FARS2: variants seen among roughly 807,000 people sequenced by gnomAD.
The protein encoded by FARS2 is phenylalanine--tRNA ligase, mitochondrial.
A neutral mutation model predicts 46.4 loss-of-function variants in FARS2; 40 were observed. The ratio of observed to expected loss-of-function variants is 0.86; its 90% CI spans 0.67 to 1.12. The LOEUF (loss-of-function observed/expected upper bound fraction) is 1.12, where lower values mean the gene tolerates loss of function less well. Ranked by LOEUF, FARS2 falls within the 50% of genes most tolerant of loss-of-function variation. The pLI, the probability that FARS2 is intolerant of heterozygous loss-of-function variation, is 0.00. For missense variants in FARS2, 513 were observed against 567.9 expected (o/e 0.90, Z 0.98); for synonymous variants, 234 against 214.9 (o/e 1.09, Z -0.78).
chr6:5,586,198 C>T (rs1378203582), intron 5 of FARS2, among the ~76,000 whole-genome samples: 1 of 152,024 alleles, frequency 6.6e-6, no homozygotes, highest in Non-Finnish European at 1.5e-5. Context: ...ATTTGGATAC[C>T]TTTGACTTCT....
chr6:5,551,862 T>A (rs926590643), intron 5 of FARS2, among the ~76,000 whole-genome samples: 2 of 152,176 alleles, frequency 1.3e-5, no homozygotes, highest in Non-Finnish European at 2.9e-5. Flanking sequence ...ACCCTCTCTC[T>A]GAATTTTTGC....
chr6:5,436,382 T>C (rs35699084), intron 4 of FARS2, among the ~76,000 whole-genome samples: 60,081 of 151,582 alleles, frequency 0.4, 12,494 homozygotes, highest in Non-Finnish European at 0.46. Flanking sequence ...TTGATCTCAG[T>C]TGGTGAATCT....
chr6:5,362,105 AC>A (rs1252558247), intron 1 of FARS2, among the ~76,000 whole-genome samples: 8 of 152,190 alleles, frequency 5.3e-5, no homozygotes, highest in African/African-American at 1.9e-4. Context: ...TCGAAATGTT[AC>A]TTCTTAGAGC....
chr6:5,537,946 C>T lies in FARS2; in HGVS notation c.905-7234C>T, dbSNP rs185868201. ...TCTTTTGCTTCTGTGCATAGGCTCG[C>T]CCTCTTAGGAAGATTTTCAACAATT... On this transcript the variant is annotated intron_variant, in intron 4 of 6. Coordinates refer to ENST00000274680, the MANE Select transcript of FARS2 (RefSeq NM_006567.5). Among the ~76,000 whole-genome samples the T allele has an allele frequency of 3.2e-4, 48 of 152,040 alleles. 2 individuals are homozygous for T. In the East Asian group the frequency reaches 8.5e-3, roughly 27 times the overall value.
chr6:5,476,379 A>G (rs544951555), intron 4 of FARS2, among the ~76,000 whole-genome samples: 2 of 152,292 alleles, frequency 1.3e-5, no homozygotes, highest in South Asian at 4.1e-4. Context: ...CAGTTGGTGA[A>G]TTATCCTGTT....
intron 3 of FARS2, among the ~76,000 whole-genome samples, chr6:5,418,316 C>T (rs1329693656): frequency 6.6e-6 from 1 of 152,032 alleles, no homozygotes; most frequent in Non-Finnish European, 1.5e-5. Context: ...TATTTTTTAC[C>T]TTCCTAATAT....
intron 1 of FARS2, among the ~76,000 whole-genome samples, chr6:5,346,824 G>C (rs1450651927): frequency 6.6e-6 from 1 of 151,012 alleles, no homozygotes; most frequent in Non-Finnish European, 1.5e-5. Flanking sequence ...CTAATTAGCT[G>C]GAGTTCAACA....
chr6:5,392,703 T>G (rs958543805), intron 2 of FARS2, among the ~76,000 whole-genome samples: 1 of 150,162 alleles, frequency 6.7e-6, no homozygotes, highest in Non-Finnish European at 1.5e-5. Context: ...TTGAGCAACA[T>G]AGCAAAACAC....
At chr6:5,690,044 G>T (rs917828090) in intron 6 of FARS2, among the ~76,000 whole-genome samples, 8 of 151,908 alleles carry the variant, frequency 5.3e-5, no homozygotes, top group South Asian at 2.1e-4. Context: ...TATTTTCCAT[G>T]TGCTTGGTAG....
At chr6:5,558,004 TCTTCAGAG>T (rs2150529165) in intron 5 of FARS2, among the ~76,000 whole-genome samples, 1 of 152,246 alleles carries the variant, frequency 6.6e-6, no homozygotes, top group Admixed American at 6.5e-5. Flanking sequence ...AGGAGTTAGA[TCTTCAGAG>T]TTACCAAGGA....
At chr6:5,670,717 A>C (rs1778409831) in intron 6 of FARS2, among the ~76,000 whole-genome samples, 1 of 152,206 alleles carries the variant, frequency 6.6e-6, no homozygotes, top group Non-Finnish European at 1.5e-5. Context: ...TATGCACAGC[A>C]CTGAAGCCCA....
chr6:5,725,538 C>T (rs551178285), intron 6 of FARS2, among the ~76,000 whole-genome samples: 2 of 152,364 alleles, frequency 1.3e-5, no homozygotes, highest in South Asian at 2.1e-4. Flanking sequence ...TCAGTTTCTA[C>T]ATCTGTAAAA....
intron 3 of FARS2, among the ~76,000 whole-genome samples, chr6:5,417,543 AG>A (rs1442714300): frequency 6.6e-6 from 1 of 152,080 alleles, no homozygotes; most frequent in Non-Finnish European, 1.5e-5. Flanking sequence ...AGTTTTTTAG[AG>A]GTGATATTCC....
At chr6:5,428,226 C>T (rs1387440541) in intron 3 of FARS2, among the ~76,000 whole-genome samples, 1 of 152,110 alleles carries the variant, frequency 6.6e-6, no homozygotes, top group Admixed American at 6.6e-5. Context: ...CTAGGGAGAA[C>T]CTAAGATATT....
intron 1 of FARS2, among the ~76,000 whole-genome samples, chr6:5,266,521 G>GA (rs913409828): frequency 4.0e-5 from 6 of 150,252 alleles, no homozygotes; most frequent in Non-Finnish European, 5.9e-5. Context: ...ATAAAAAAAA[G>GA]AAAAAAAAAT....
At chr6:5,388,495 G>A (rs1760282124) in intron 2 of FARS2, among the ~76,000 whole-genome samples, 1 of 152,060 alleles carries the variant, frequency 6.6e-6, no homozygotes, top group Non-Finnish European at 1.5e-5. Flanking sequence ...CTATGTCTTT[G>A]CCTCTAGATG....
chr6:5,364,328 C>T (rs1483257520), intron 1 of FARS2, among the ~76,000 whole-genome samples: 1 of 152,112 alleles, frequency 6.6e-6, no homozygotes, highest in East Asian at 1.9e-4. Flanking sequence ...ATACATGGCA[C>T]CTAAGAGATC....
intron 6 of FARS2, among the ~76,000 whole-genome samples, chr6:5,767,106 A>C (rs1762792642): frequency 6.6e-6 from 1 of 151,804 alleles, no homozygotes; most frequent in Non-Finnish European, 1.5e-5. Flanking sequence ...CCCAGGCTGG[A>C]GTGCAGTGGG....
intron 5 of FARS2, among the ~76,000 whole-genome samples, chr6:5,608,728 C>T (rs1002649862): frequency 1.6e-4 from 24 of 152,056 alleles, no homozygotes; most frequent in African/African-American, 5.8e-4. Context: ...ACCATCAGTT[C>T]ACCTACACCA....
Sources: gnomAD v4.1 joint callset for allele counts (sites outside exome capture counted in the v4.1 genomes callset) on GRCh38, gnomAD v4.1.1 for gene constraint, MANE v1.5 for transcripts, NCBI Gene and HGNC (gene_info 2026-07-23, HGNC 2026-07-21) for gene names.